The following DENND4A variants were observed in gnomAD, a reference collection of about 807,000 sequenced individuals.
DENND4A encodes C-myc promoter-binding protein.
DENND4A carries 70 observed loss-of-function variants against 199.3 expected under a neutral mutation model. That is an observed-to-expected ratio of 0.35 (90% CI 0.29 to 0.43). DENND4A has a LOEUF of 0.43. Ranked by LOEUF, DENND4A falls within the 20% of genes least tolerant of loss-of-function variation. The probability of loss-of-function intolerance (pLI) is 1.00; values close to 1 mark genes in which losing one functional copy is unlikely to be tolerated. For synonymous variants in DENND4A, 686 were observed against 766.9 expected, an observed-to-expected ratio of 0.89 and a Z score of 1.74; for missense variants, 1,723 against 2,255.8, an observed-to-expected ratio of 0.76 and a Z score of 4.78.
chr15:65,698,715 T>A (rs909843008), intron 20 of DENND4A, among the ~76,000 whole-genome samples: 3 of 150,834 alleles, frequency 2.0e-5, no homozygotes, highest in Non-Finnish European at 4.4e-5. Context: ...TTTACACTAT[T>A]TTAAGATAGC....
intron 23 of DENND4A, among the ~76,000 whole-genome samples, chr15:65,677,957 T>G (rs1451196164): frequency 2.0e-5 from 3 of 151,396 alleles, no homozygotes; most frequent in African/African-American, 7.3e-5. Flanking sequence ...TCAAAGAATT[T>G]TGGTCTGAAG....
rs1186717191 is a variant in DENND4A, at chr15:65,790,911, C to A, written c.-102+1099G>T. Among the ~76,000 whole-genome samples, 4 of 152,290 alleles carry A rather than the reference C, an allele frequency of 2.6e-5. 1 individual carries two copies. In the South Asian group the frequency reaches 8.3e-4, roughly 32 times the overall value. On this transcript the variant is annotated intron_variant, in intron 1 of 32. Coordinates refer to ENST00000443035, the MANE Select transcript of DENND4A (RefSeq NM_001320835.1). ...CAATAGATTAGCGTAACCGGGGCTA[C>A]GCTGTTTACAGGTGTCTCCACCTCC...
At chr15:65,757,141 A>C (rs1215689320) in intron 2 of DENND4A, among the ~76,000 whole-genome samples, 1 of 152,206 alleles carries the variant, frequency 6.6e-6, no homozygotes, top group Non-Finnish European at 1.5e-5. Flanking sequence ...CTAGGTCCCC[A>C]AAACACTGAA....
intron 15 of DENND4A, among the ~76,000 whole-genome samples, chr15:65,703,377 C>G (rs922038118): frequency 6.6e-6 from 1 of 152,204 alleles, no homozygotes; most frequent in African/African-American, 2.4e-5. Context: ...CAAATTAAGA[C>G]TCTTTCAAAA....
rs1171122087 is a variant in DENND4A at position 65,776,404 on chromosome 15, T to C, written c.-101-14966A>G. Among the ~76,000 whole-genome samples the C allele has an allele frequency of 5.9e-5, 9 of 152,358 alleles. No individual in the cohort carries two copies. The East Asian group carries it at 1.5e-3, about 26-fold the overall frequency. ...TTAAAAAAGGGAGACATTTTTAGTC[T>C]TCACAATAATCATGTATAGATTGGG... is the stretch of plus-strand genomic sequence containing the variant. On this transcript the variant is annotated intron_variant, in intron 1 of 32. Coordinates refer to ENST00000443035, the MANE Select transcript of DENND4A (RefSeq NM_001320835.1).
intron 1 of DENND4A, chr15:65,771,241 C>T (rs2077116625): frequency 6.2e-7 from 1 of 1,601,790 alleles, no homozygotes; most frequent in African/African-American, 1.3e-5. Context: ...AGGCATCTGA[C>T]TTCCTTCGGA....
rs2075997844 is a variant in DENND4A, at chr15:65,665,306, C to T, written c.5359+39G>A. 4.6e-6 allele frequency: 7 copies of T among 1,515,466 alleles called. No individual in the cohort carries two copies. The African/African-American group carries it at 6.9e-5, about 15-fold the overall frequency. 93.9% of individuals were successfully genotyped at this position (1,515,466 alleles called of 1,614,324 possible). ...CTATTTAAAGCTAGTAGAGATTACT[C>T]TCATATGAACAAAGTCAGCATTCTA... On this transcript the variant is annotated intron_variant, in intron 30 of 32. Coordinates refer to ENST00000443035, the MANE Select transcript of DENND4A (RefSeq NM_001320835.1).
chr15:65,766,567 T>C (rs1412670697), intron 1 of DENND4A: 1 of 152,232 alleles, frequency 6.6e-6, no homozygotes, highest in Admixed American at 6.5e-5. Flanking sequence ...AGGCCAGCTT[T>C]TTGTATCCAC....
rs1015727179 is a variant in DENND4A at position 65,731,426 on chromosome 15, A to C, written c.1166+216T>G. On this transcript the variant is annotated intron_variant, in intron 9 of 32. Transcript: ENST00000443035. ...ACACTTACACAATAGTAGGTATTTG[A>C]TGATAATAGATACACAAAATACAAA... 8.8e-6 allele frequency: 5 copies of C among 568,740 alleles called. 1 individual carries two copies. Among genetic ancestry groups the C allele is most frequent in the South Asian group, 7.7e-5 (5 of 64,968 alleles). 35.2% of individuals were successfully genotyped at this position (568,740 alleles called of 1,614,324 possible).
intron 1 of DENND4A, among the ~76,000 whole-genome samples, chr15:65,763,928 A>C (rs1237051769): frequency 6.6e-6 from 1 of 152,180 alleles, no homozygotes. Flanking sequence ...GCAATGAAAC[A>C]ATGTAAATAC....
chr15:65,734,058 T>C (rs1045193160), intron 7 of DENND4A, among the ~76,000 whole-genome samples: 4 of 152,158 alleles, frequency 2.6e-5, no homozygotes, highest in Non-Finnish European at 4.4e-5. Flanking sequence ...GACCGTCCCC[T>C]AGCCCGACAC....
At chr15:65,677,947 T>C (rs546636835) in intron 23 of DENND4A, among the ~76,000 whole-genome samples, 390 of 148,902 alleles carry the variant, frequency 2.6e-3, no homozygotes, top group African/African-American at 6.1e-3. Flanking sequence ...TTTTTTTTTT[T>C]CAAAGAATTT....
In DENND4A at chr15:65,756,898, G is replaced by A. The variant is rs537615642; in HGVS notation, c.-22-426C>T. On this transcript the variant is annotated intron_variant, in intron 2 of 32. Coordinates refer to ENST00000443035, the MANE Select transcript of DENND4A (RefSeq NM_001320835.1). ...TAAAAATACCAAAAATTAGCTGGGC[G>A]TGGTGGCAGGTGCCTGTAATCCCAG... Among the ~76,000 whole-genome samples, 26 of 152,210 alleles carry A rather than the reference G, an allele frequency of 1.7e-4. No individual in the cohort carries two copies. The East Asian group carries it at 2.1e-3, about 12-fold the overall frequency.
intron 23 of DENND4A, among the ~76,000 whole-genome samples, chr15:65,688,287 G>A (rs1384022742): frequency 6.6e-6 from 1 of 152,050 alleles, no homozygotes; most frequent in Non-Finnish European, 1.5e-5. Flanking sequence ...TTACCTAAAG[G>A]AACCAGTTAT....
intron 1 of DENND4A, among the ~76,000 whole-genome samples, chr15:65,782,431 T>G (rs1449305447): frequency 6.6e-6 from 1 of 152,172 alleles, no homozygotes; most frequent in Non-Finnish European, 1.5e-5. Context: ...CTTCCTTCAT[T>G]ACCCTTACTA....
At chr15:65,695,545 C>G (rs768900098) in intron 22 of DENND4A, among the ~76,000 whole-genome samples, 4 of 152,164 alleles carry the variant, frequency 2.6e-5, no homozygotes, top group Non-Finnish European at 5.9e-5. Context: ...ACAGGCATAT[C>G]TAACTGTGTT....
At chr15:65,765,527 A>C (rs1352091501) in intron 1 of DENND4A, among the ~76,000 whole-genome samples, 1 of 152,246 alleles carries the variant, frequency 6.6e-6, no homozygotes, top group African/African-American at 2.4e-5. Context: ...AACATCTTGC[A>C]AAACTATAGC....
At chr15:65,765,265 C>T (rs989346224) in intron 1 of DENND4A, among the ~76,000 whole-genome samples, 1 of 152,050 alleles carries the variant, frequency 6.6e-6, no homozygotes, top group African/African-American at 2.4e-5. Flanking sequence ...ACAAGAAAAC[C>T]CGGAATAGAA....
intron 1 of DENND4A, among the ~76,000 whole-genome samples, chr15:65,769,614 T>G (rs1203880529): frequency 6.6e-6 from 1 of 152,152 alleles, no homozygotes; most frequent in Non-Finnish European, 1.5e-5. Flanking sequence ...CTTAATGAGG[T>G]ACTCGTCATT....
Sources: allele counts gnomAD v4.1 joint callset (sites outside exome capture counted in the v4.1 genomes callset), GRCh38; gene constraint gnomAD v4.1.1; transcripts MANE v1.5; gene names NCBI Gene and HGNC (gene_info 2026-07-23, HGNC 2026-07-21).